The following PTPRD variants were observed in gnomAD, a reference collection of about 807,000 sequenced individuals.
PTPRD encodes protein tyrosine phosphatase receptor type D.
PTPRD carries 34 observed loss-of-function variants against 214.5 expected under a neutral mutation model. The observed-to-expected ratio is 0.16, with a 90% CI of 0.12 to 0.21. PTPRD has a LOEUF of 0.21. PTPRD is among the 10% of genes least tolerant of loss of function. The probability of loss-of-function intolerance (pLI) is 1.00; values close to 1 mark genes in which losing one functional copy is unlikely to be tolerated. For missense variants in PTPRD, 2,545 were observed against 2,398.7 expected, an observed-to-expected ratio of 1.06 and a Z score of -1.27; for synonymous variants, 1,128 against 845.7, an observed-to-expected ratio of 1.33 and a Z score of -5.79.
chr9:9,258,872 G>C (rs551691445), intron 9 of PTPRD, among the ~76,000 whole-genome samples: 1 of 151,898 alleles, frequency 6.6e-6, no homozygotes, highest in South Asian at 2.1e-4. Context: ...AATTTCTTTG[G>C]AAAAGGGATT....
chr9:10,569,608 TA>T (rs1205844312), intron 2 of PTPRD, among the ~76,000 whole-genome samples: 2 of 152,026 alleles, frequency 1.3e-5, no homozygotes, highest in Non-Finnish European at 2.9e-5. Context: ...TTAGGGTTGA[TA>T]AATTATTAGG....
At chr9:9,747,180 C>G (rs550641080) in intron 6 of PTPRD, among the ~76,000 whole-genome samples, 16 of 152,130 alleles carry the variant, frequency 1.1e-4, no homozygotes, top group Non-Finnish European at 1.9e-4. Context: ...GCACTCTGAG[C>G]AGGAGCCACT....
chr9:9,472,937 T>C (rs1267825153), intron 8 of PTPRD, among the ~76,000 whole-genome samples: 1 of 152,194 alleles, frequency 6.6e-6, no homozygotes, highest in East Asian at 1.9e-4. Flanking sequence ...ATAATTAGCA[T>C]ATCCACACCT....
intron 2 of PTPRD, among the ~76,000 whole-genome samples, chr9:10,349,009 C>A (rs148257845): frequency 6.6e-6 from 1 of 152,044 alleles, no homozygotes; most frequent in Non-Finnish European, 1.5e-5. Flanking sequence ...GGACATAGGA[C>A]AGAACTCAGA....
chr9:9,008,195 CT>C (rs2099489641), intron 11 of PTPRD, among the ~76,000 whole-genome samples: 1 of 67,484 alleles, frequency 1.5e-5, no homozygotes, highest in Non-Finnish European at 3.4e-5. Flanking sequence ...CACAGGCCTT[CT>C]CCCCTTCATT....
chr9:9,579,594 C>A (rs1328809029), intron 7 of PTPRD, among the ~76,000 whole-genome samples: 1 of 152,078 alleles, frequency 6.6e-6, no homozygotes, highest in Admixed American at 6.6e-5. Flanking sequence ...CACCTCCACA[C>A]CTCCTCTAAC....
At chr9:10,226,397 G>A (rs1056131038) in intron 3 of PTPRD, among the ~76,000 whole-genome samples, 1 of 151,944 alleles carries the variant, frequency 6.6e-6, no homozygotes, top group Non-Finnish European at 1.5e-5. Flanking sequence ...TCCAGGTGGA[G>A]GGTGACAACA....
At chr9:8,771,347 A>G (rs2095197920) in intron 11 of PTPRD, among the ~76,000 whole-genome samples, 1 of 152,210 alleles carries the variant, frequency 6.6e-6, no homozygotes, top group South Asian at 2.1e-4. Context: ...ACAAAATACT[A>G]AAGACTATCA....
At chr9:10,568,721 G>C (rs919558326) in intron 2 of PTPRD, among the ~76,000 whole-genome samples, 2 of 152,152 alleles carry the variant, frequency 1.3e-5, no homozygotes, top group Non-Finnish European at 2.9e-5. Flanking sequence ...CTAGCCATAT[G>C]TAGAAAGCTA....
At chr9:8,370,038 C>T (rs986355242) in intron 39 of PTPRD, among the ~76,000 whole-genome samples, 15 of 151,910 alleles carry the variant, frequency 9.9e-5, no homozygotes, top group African/African-American at 2.2e-4. Flanking sequence ...TGGAACAAAA[C>T]GGCCTTAGTT....
chr9:9,764,208 G>A (rs1050036292), intron 6 of PTPRD, among the ~76,000 whole-genome samples: 2 of 152,008 alleles, frequency 1.3e-5, no homozygotes, highest in African/African-American at 4.8e-5. Flanking sequence ...ACAAACATTT[G>A]AACTAAAATA....
intron 7 of PTPRD, among the ~76,000 whole-genome samples, chr9:9,581,659 G>C (rs2090814989): frequency 6.6e-6 from 1 of 152,068 alleles, no homozygotes; most frequent in Non-Finnish European, 1.5e-5. Flanking sequence ...CCGTGTTTAG[G>C]TGTTAGAGTT....
intron 43 of PTPRD, among the ~76,000 whole-genome samples, chr9:8,333,370 G>T (rs1843337733): frequency 1.3e-5 from 2 of 152,158 alleles, no homozygotes; most frequent in Admixed American, 1.3e-4. Flanking sequence ...TCTATTTGGA[G>T]GAGAGACTGC....
intron 2 of PTPRD, among the ~76,000 whole-genome samples, chr9:10,476,946 G>A (rs1015401917): frequency 6.6e-6 from 1 of 152,094 alleles, no homozygotes; most frequent in Non-Finnish European, 1.5e-5. Flanking sequence ...CCAGAAAACA[G>A]AAATTGGACC....
At chr9:9,766,958 T>G (rs192429159) in intron 5 of PTPRD, 107 bp from the exon 6 acceptor site, 17 of 152,362 alleles carry the variant, frequency 1.1e-4, no homozygotes, top group African/African-American at 4.1e-4. Flanking sequence ...AACTCCATCA[T>G]TGCTCATATT....
Position 8,349,152 on chromosome 9 carries a change from T to C in PTPRD, c.4662-7174A>G, listed in dbSNP as rs536464383. On this transcript the variant is annotated intron_variant, in intron 39 of 45. Coordinates refer to ENST00000381196, the MANE Select transcript of PTPRD (RefSeq NM_002839.4). Reference sequence around the variant, plus strand: ...AGCCCCCAGCATGGGAAAATTCCTTTGATACATGTTTACAAAGATAAAGTA... The same window carrying C: ...AGCCCCCAGCATGGGAAAATTCCTTCGATACATGTTTACAAAGATAAAGTA... 1.6e-4 allele frequency among the ~76,000 whole-genome samples: 25 copies of C among 152,304 alleles called. No homozygotes were observed. In the East Asian group the frequency reaches 3.9e-3, roughly 24 times the overall value.
chr9:9,967,003 C>T (rs1377676918), intron 4 of PTPRD, among the ~76,000 whole-genome samples: 1 of 152,106 alleles, frequency 6.6e-6, no homozygotes, highest in Non-Finnish European at 1.5e-5. Flanking sequence ...TTAGGGACTA[C>T]AGATCACAGA....
intron 12 of PTPRD, among the ~76,000 whole-genome samples, chr9:8,669,721 G>A (rs2097242134): frequency 6.6e-6 from 1 of 152,174 alleles, no homozygotes; most frequent in Non-Finnish European, 1.5e-5. Context: ...CCAAGTGAGT[G>A]ATAATCCAGG....
intron 35 of PTPRD, among the ~76,000 whole-genome samples, chr9:8,416,549 G>C (rs2093952339): frequency 1.3e-5 from 2 of 152,116 alleles, no homozygotes; most frequent in Admixed American, 1.3e-4. Context: ...GCAGACTGTA[G>C]GACTCAACAC....
Sources: gnomAD v4.1 joint callset for allele counts (sites outside exome capture counted in the v4.1 genomes callset) on GRCh38, gnomAD v4.1.1 for gene constraint, MANE v1.5 for transcripts, NCBI Gene and HGNC (gene_info 2026-07-23, HGNC 2026-07-21) for gene names.